The following BHLHE41 variants were observed in gnomAD, a reference collection of about 807,000 sequenced individuals.
The protein encoded by BHLHE41 is basic helix-loop-helix family member e41.
In BHLHE41, 14 loss-of-function variants were observed where a neutral mutation model predicts 24.0. The observed-to-expected ratio is 0.58, with a 90% CI of 0.39 to 0.91. BHLHE41 has a LOEUF of 0.91. Among genes scored for constraint, BHLHE41 ranks in the 40% least tolerant of loss-of-function variants. The pLI is 0.00. For missense variants in BHLHE41, 674 were observed against 655.4 expected, an observed-to-expected ratio of 1.03 and a Z score of -0.31; for synonymous variants, 394 against 315.5, an observed-to-expected ratio of 1.25 and a Z score of -2.64.
Position 26,124,992 on chromosome 12 carries a change from C to A in BHLHE41, c.-213G>T. The A allele has an allele frequency of 1.6e-6, 1 of 641,506 alleles. No individual in the cohort carries two copies. The highest frequency in any genetic ancestry group is 2.8e-6 in the Non-Finnish European group (1 of 353,586). 39.7% of individuals were successfully genotyped at this position (641,506 alleles called of 1,614,324 possible). On this transcript the variant is annotated 5_prime_UTR_variant, in exon 1 of 5. Transcript: ENST00000242728. Reference sequence around the variant, plus strand: ...CACGCACACACACGCACACTCGCGCCGGCCCCACTGCGCTGGTAGTTTGCT... The same window carrying A: ...CACGCACACACACGCACACTCGCGCAGGCCCCACTGCGCTGGTAGTTTGCT...
chr12:26,122,499 T>C lies in BHLHE41; in HGVS notation c.1016A>G (p.Gln339Arg). The change falls in exon 5 of 5, where the codon CAG (glutamine) becomes CGG (arginine). Residue 339 changes from glutamine to arginine, a missense_variant. Physicochemically the swap from Gln to Arg is conservative, Grantham distance 43 (BLOSUM62 1). This residue lies in a region of BHLHE41 where 602 missense variants were observed against 570.8 expected (regional missense o/e 1.05). Coordinates refer to ENST00000242728, the MANE Select transcript of BHLHE41 (RefSeq NM_030762.3). ...FGGGGGAPFP[Q>R]PAAAAAPFCL... is the part of the protein sequence containing the mutation. Reference sequence around the variant, plus strand: ...GAAGGGGGCCGCGGCGGCCGCGGGCTGCGGGAAGGGCGCGCCTCCGCCTCC... The same window carrying C: ...GAAGGGGGCCGCGGCGGCCGCGGGCCGCGGGAAGGGCGCGCCTCCGCCTCC... 1 of 1,312,650 alleles carries C rather than the reference T, an allele frequency of 7.6e-7. No individual in the cohort carries two copies. The highest frequency in any genetic ancestry group is 9.8e-7 in the Non-Finnish European group (1 of 1,020,894). The allele number at this position is 1,312,650 out of a possible 1,614,324, so 81.3% of individuals were successfully genotyped here.
At position 26,122,151 on chromosome 12, in the gene BHLHE41, A is replaced by C. The variant is rs1330625550; in HGVS notation, c.1364T>G (p.Leu455Arg). 1.3e-6 allele frequency: 2 copies of C among 1,545,998 alleles called. No individual in the cohort carries two copies. Among genetic ancestry groups the C allele is most frequent in the East Asian group, 2.5e-5 (1 of 40,488 alleles). The change falls in exon 5 of 5, where the codon CTG becomes CGG. Residue 455 changes from leucine (L) to arginine (R), a missense_variant. By Grantham distance (102) the Leu-to-Arg change is moderately radical. Around this residue, in one of 3 missense-constraint regions of BHLHE41, gnomAD observed 602 missense variants for 570.8 expected, o/e 1.05. Transcript: ENST00000242728. ...HPQHPHGRTHLPFAGPREPGN... is the reference protein window; with the variant it reads ...HPQHPHGRTHRPFAGPREPGN... ...CGGCTCGCGGGGCCCGGCGAAGGGC[A>C]GGTGGGTGCGGCCGTGCGGGTGCTG...
rs1404865800 is a variant in BHLHE41 at position 26,121,874 on chromosome 12, G to A, written c.*192C>T. 7.0e-7 allele frequency: 1 copy of A among 1,429,042 alleles called. No individual in the cohort carries two copies. The highest frequency in any genetic ancestry group is 9.3e-7 in the Non-Finnish European group (1 of 1,069,996). The allele number at this position is 1,429,042 out of a possible 1,614,324, so 88.5% of individuals were successfully genotyped here. On this transcript the variant is annotated 3_prime_UTR_variant, in exon 5 of 5. Transcript: ENST00000242728. ...TGTGGAGGGTGGGGTGGTGCGGGAT[G>A]AGCAAAACAGGAACTCCGAATGTAC...
rs762307774 is a variant in BHLHE41 at position 26,123,166 on chromosome 12, C to T, written c.349G>A (p.Glu117Lys). Residue 117 changes from glutamate (E) to lysine (K), a missense_variant and splice_region_variant, in exon 5 of 5, where the codon GAG becomes AAG. Physicochemically the swap from Glu to Lys is moderately conservative, Grantham distance 56. This residue lies in a region of BHLHE41 where 602 missense variants were observed against 570.8 expected (regional missense o/e 1.05). Coordinates refer to ENST00000242728, the MANE Select transcript of BHLHE41 (RefSeq NM_030762.3). Reference sequence around the variant, plus strand: ...TGAATGGGCGATTTCAGAGATCGCTCCCCTAGGATGAGGAAGGGATGGGGG... The same window carrying T: ...TGAATGGGCGATTTCAGAGATCGCTTCCCTAGGATGAGGAAGGGATGGGGG... ...HQKIIALQNG[E>K]RSLKSPIQSD... The T allele has an allele frequency of 1.6e-5, 26 of 1,587,546 alleles. No homozygotes were observed. Among genetic ancestry groups the T allele is most frequent in the Middle Eastern group, 1.7e-4 (1 of 5,982 alleles).
At position 26,124,499 on chromosome 12, in the gene BHLHE41, T is replaced by C; in HGVS notation, c.126+20A>G. On this transcript the variant is annotated intron_variant, in intron 2 of 4. Transcript: ENST00000242728. Reference sequence around the variant, plus strand: ...AACTACCCATGCAGGTTATGAGGAATATCGGGAACTTACACTTACCTTGGT... The same window carrying C: ...AACTACCCATGCAGGTTATGAGGAACATCGGGAACTTACACTTACCTTGGT... 1 of 1,610,412 alleles carries C rather than the reference T, an allele frequency of 6.2e-7. No homozygotes were observed. Among genetic ancestry groups the C allele is most frequent in the South Asian group, 1.1e-5 (1 of 91,002 alleles).
rs1205402315 is a variant in BHLHE41 at position 26,122,500 on chromosome 12, G to A, written c.1015C>T (p.Gln339Ter). 1.5e-6 allele frequency: 2 copies of A among 1,315,588 alleles called. No homozygotes were observed. Among genetic ancestry groups the A allele is most frequent in the South Asian group, 1.8e-5 (1 of 56,108 alleles). The allele number at this position is 1,315,588 out of a possible 1,614,324, so 81.5% of individuals were successfully genotyped here. A position where few individuals can be genotyped will look rare whatever the true frequency, so the allele number is the denominator to read the frequency against. ...AAGGGGGCCGCGGCGGCCGCGGGCT[G>A]CGGGAAGGGCGCGCCTCCGCCTCCG... ...FGGGGGAPFP[Q>*]PAAAAAPFCL... The change falls in exon 5 of 5, where the codon CAG (glutamine) becomes TAG (stop). Residue 339 changes from glutamine (Q) to a stop codon, truncating the protein, a stop_gained. Coordinates refer to ENST00000242728, the MANE Select transcript of BHLHE41 (RefSeq NM_030762.3). LOFTEE classifies it high-confidence loss of function.
chr12:26,123,705 A>T lies in BHLHE41; in HGVS notation c.271T>A (p.Leu91Ile). Residue 91 changes from leucine to isoleucine, a missense_variant, in exon 4 of 5, where the codon TTA (leucine) becomes ATA (isoleucine). Coordinates refer to ENST00000242728, the MANE Select transcript of BHLHE41 (RefSeq NM_030762.3). The stretch of plus-strand genomic sequence containing the variant: ...AAAGCTTTTAAGTGTTTCAAAGTTA[A>T]TTCCAAGACTACAGCTTTCTCCAGA... ...GHLEKAVVLE[L>I]TLKHLKALTA... 1.2e-6 allele frequency: 2 copies of T among 1,614,078 alleles called. No homozygotes were observed. Among genetic ancestry groups the T allele is most frequent in the Non-Finnish European group, 1.7e-6 (2 of 1,179,902 alleles).
chr12:26,123,311 T>A, intron 4 of BHLHE41, 143 bp from the exon 5 acceptor site: 1 of 1,220,150 alleles, frequency 8.2e-7, no homozygotes. Flanking sequence ...AGTGATATAA[T>A]CCACCAGTTG....
Position 26,124,858 on chromosome 12 carries a change from C to A in BHLHE41, c.-79G>T. 10 of 1,388,400 alleles carry A rather than the reference C, an allele frequency of 7.2e-6. No individual in the cohort carries two copies. Among genetic ancestry groups the A allele is most frequent in the Non-Finnish European group, 1.0e-5 (10 of 977,870 alleles). 86.0% of individuals were successfully genotyped at this position (1,388,400 alleles called of 1,614,324 possible). A position where few individuals can be genotyped will look rare whatever the true frequency, so the allele number is the denominator to read the frequency against. ...TCTGTGGGACGGTAGGCTTGGGAGA[C>A]CTTGGGGGGATCTGTGCGTCTCCAG... On this transcript the variant is annotated 5_prime_UTR_variant, in exon 1 of 5. Coordinates refer to ENST00000242728, the MANE Select transcript of BHLHE41 (RefSeq NM_030762.3).
chr12:26,124,413 A>T, intron 2 of BHLHE41, 106 bp downstream of exon 2: 1 of 1,256,246 alleles, frequency 8.0e-7, no homozygotes, highest in Non-Finnish European at 1.2e-6. Flanking sequence ...CAGTTGGGGA[A>T]GCTCAGGGGC....
chr12:26,124,284 T>A, intron 2 of BHLHE41, 105 bp from the exon 3 acceptor site: 1 of 523,224 alleles, frequency 1.9e-6, no homozygotes, highest in Admixed American at 2.8e-5. Context: ...TAAAACATAC[T>A]ATGTGATAAA....
chr12:26,122,014 GTA>G lies in BHLHE41; in HGVS notation c.*50_*51del. 1 of 1,546,066 alleles carries G rather than the reference GTA, an allele frequency of 6.5e-7. No homozygotes were observed. The highest frequency in any genetic ancestry group is 8.7e-7 in the Non-Finnish European group (1 of 1,144,348). ...TCACTCTGCTTGAACCTCCTTAAGG[GTA>G]TTTTAACTTCTCACTCTGCTTGAAC... On this transcript the variant is annotated 3_prime_UTR_variant, in exon 5 of 5. Coordinates refer to ENST00000242728, the MANE Select transcript of BHLHE41 (RefSeq NM_030762.3).
rs779327961 is a variant in BHLHE41, at chr12:26,122,660, G to C, written c.855C>G (p.Arg285=). ...PAPKRMKLDS[R]GGGSGGGPGG... The stretch of plus-strand genomic sequence containing the variant: ...CCGGGCCGCCGCCGCTGCCGCCGCC[G>C]CGGGAATCCAGCTTCATCCTCTTGG... The change falls in exon 5 of 5, where the codon CGC becomes CGG. Residue 285 remains arginine (R), a synonymous_variant. Transcript: ENST00000242728. 3.6e-6 allele frequency: 5 copies of C among 1,396,558 alleles called. No individual in the cohort carries two copies. Among genetic ancestry groups the C allele is most frequent in the South Asian group, 2.0e-5 (1 of 48,858 alleles). 86.5% of individuals were successfully genotyped at this position (1,396,558 alleles called of 1,614,324 possible). A position where few individuals can be genotyped will look rare whatever the true frequency, so the allele number is the denominator to read the frequency against.
At position 26,122,265 on chromosome 12, in the gene BHLHE41, G is replaced by A. The variant is rs1422266077; in HGVS notation, c.1250C>T (p.Ser417Leu). ...CTTCTCGGGAGGGGGCGACAACACCGAGGACAGGCAGGGGAACGCGGCGGC... is the reference window on the plus strand; with the variant it reads ...CTTCTCGGGAGGGGGCGACAACACCAAGGACAGGCAGGGGAACGCGGCGGC... ...AAAAAFPCLS[S>L]VLSPPPEKAG... Residue 417 changes from serine (S) to leucine (L), a missense_variant, in exon 5 of 5, where the codon TCG becomes TTG. Physicochemically the swap from Ser to Leu is moderately radical, Grantham distance 145. Coordinates refer to ENST00000242728, the MANE Select transcript of BHLHE41 (RefSeq NM_030762.3). 11 of 1,228,224 alleles carry A rather than the reference G, an allele frequency of 9.0e-6. No individual in the cohort carries two copies. Among genetic ancestry groups the A allele is most frequent in the Non-Finnish European group, 1.1e-5 (11 of 985,778 alleles). 76.1% of individuals were successfully genotyped at this position (1,228,224 alleles called of 1,614,324 possible).
In BHLHE41 at chr12:26,122,265, G is replaced by T; in HGVS notation, c.1250C>A (p.Ser417Ter). The stretch of plus-strand genomic sequence containing the variant: ...CTTCTCGGGAGGGGGCGACAACACC[G>T]AGGACAGGCAGGGGAACGCGGCGGC... ...AAAAAFPCLS[S>*]VLSPPPEKAG... The change falls in exon 5 of 5, where the codon TCG (serine) becomes TAG (stop). Residue 417 changes from serine to a stop codon, truncating the protein, a stop_gained. Transcript: ENST00000242728. LOFTEE classifies it high-confidence loss of function. 8.1e-7 allele frequency: 1 copy of T among 1,228,334 alleles called. No individual in the cohort carries two copies. Among genetic ancestry groups the T allele is most frequent in the Non-Finnish European group, 1.0e-6 (1 of 985,768 alleles). The allele number at this position is 1,228,334 out of a possible 1,614,324, so 76.1% of individuals were successfully genotyped here. A position where few individuals can be genotyped will look rare whatever the true frequency, so the allele number is the denominator to read the frequency against.
In BHLHE41 at chr12:26,122,883, A is replaced by G. The variant is rs1032425202; in HGVS notation, c.632T>C (p.Leu211Pro). 68 of 1,553,828 alleles carry G rather than the reference A, an allele frequency of 4.4e-5. No homozygotes were observed. Among genetic ancestry groups the G allele is most frequent in the Non-Finnish European group, 5.5e-5 (63 of 1,149,524 alleles). Reference protein sequence around the residue: ...APCLERAGQKLEPLAYCVPVI... With the variant: ...APCLERAGQKPEPLAYCVPVI... ...GGGCACGCAGTAGGCGAGGGGCTCCAGCTTCTGCCCCGCGCGCTCCAGGCA... is the reference window on the plus strand; with the variant it reads ...GGGCACGCAGTAGGCGAGGGGCTCCGGCTTCTGCCCCGCGCGCTCCAGGCA... The change falls in exon 5 of 5, where the codon CTG becomes CCG. Residue 211 changes from leucine to proline, a missense_variant. Physicochemically the swap from Leu to Pro is moderately conservative, Grantham distance 98 (BLOSUM62 -3). This residue lies in a region of BHLHE41 where 602 missense variants were observed against 570.8 expected (regional missense o/e 1.05). Coordinates refer to ENST00000242728, the MANE Select transcript of BHLHE41 (RefSeq NM_030762.3).
chr12:26,122,181 T>G lies in BHLHE41; in HGVS notation c.1334A>C (p.His445Pro), dbSNP rs764293030. The G allele has an allele frequency of 3.2e-5, 47 of 1,485,456 alleles. No homozygotes were observed. The highest frequency in any genetic ancestry group is 4.5e-6 in the Non-Finnish European group (5 of 1,118,322). The allele number at this position is 1,485,456 out of a possible 1,614,324, so 92.0% of individuals were successfully genotyped here. ...GGTGCGGCCGTGCGGGTGCTGGGGG[T>G]GCGGCGCCCCAAGGGGCGCCACCTC... ...PHEVAPLGAP[H>P]PQHPHGRTHL... Residue 445 changes from histidine to proline, a missense_variant, in exon 5 of 5, where the codon CAC becomes CCC. Transcript: ENST00000242728.
At position 26,121,217 on chromosome 12, in the gene BHLHE41, ATATC is replaced by A. The variant is rs1194880582; in HGVS notation, c.*845_*848del. On this transcript the variant is annotated 3_prime_UTR_variant, in exon 5 of 5. Coordinates refer to ENST00000242728, the MANE Select transcript of BHLHE41 (RefSeq NM_030762.3). ...GATAAATAGAAATCTGTACAGATAG[ATATC>A]TATCTATATATGGACTTAGAAGAAA... The A allele has an allele frequency of 4.6e-5, 7 of 152,352 alleles. No individual in the cohort carries two copies. Among genetic ancestry groups the A allele is most frequent in the African/African-American group, 7.2e-5 (3 of 41,436 alleles). 9.4% of individuals were successfully genotyped at this position (152,352 alleles called of 1,614,324 possible).
At position 26,121,739 on chromosome 12, in the gene BHLHE41, G is replaced by A. The variant is rs1234090423; in HGVS notation, c.*327C>T. ...TAGGTTCCAATTTTAAGAGATAATGGAACATGGCCTAAAAGGGGGCAAAAT... is the reference window on the plus strand; with the variant it reads ...TAGGTTCCAATTTTAAGAGATAATGAAACATGGCCTAAAAGGGGGCAAAAT... On this transcript the variant is annotated 3_prime_UTR_variant, in exon 5 of 5. Transcript: ENST00000242728. 4 of 349,780 alleles carry A rather than the reference G, an allele frequency of 1.1e-5. No homozygotes were observed. The East Asian group carries it at 3.0e-4, about 26-fold the overall frequency. 21.7% of individuals were successfully genotyped at this position (349,780 alleles called of 1,614,324 possible). A position where few individuals can be genotyped will look rare whatever the true frequency, so the allele number is the denominator to read the frequency against.
Sources: gnomAD v4.1 joint callset for allele counts on GRCh38, gnomAD v4.1.1 for gene constraint, gnomAD v4.1.1 regional missense constraint, MANE v1.5 for transcripts, NCBI Gene and HGNC (gene_info 2026-07-23, HGNC 2026-07-21) for gene names.